PCDHGB3: variants seen among roughly 807,000 people sequenced by gnomAD.
PCDHGB3 encodes protocadherin gamma-B3.
A neutral mutation model predicts 59.2 loss-of-function variants in PCDHGB3; 40 were observed. That is an observed-to-expected ratio of 0.68 (90% confidence interval 0.52 to 0.88). The LOEUF (loss-of-function observed/expected upper bound fraction) is 0.88. Ranked by LOEUF, PCDHGB3 falls within the 40% of genes least tolerant of loss-of-function variation. The pLI, the probability that PCDHGB3 is intolerant of heterozygous loss-of-function variation, is 0.00. For missense variants in PCDHGB3, 1,309 were observed against 1,187.9 expected (o/e 1.10, Z -1.50); for synonymous variants, 581 against 503.6 (o/e 1.15, Z -2.06).
intron 1 of PCDHGB3, among the ~76,000 whole-genome samples, chr5:141,435,500 A>G (rs896915416): frequency 6.6e-6 from 1 of 152,176 alleles, no homozygotes; most frequent in African/African-American, 2.4e-5. Context: ...TCCTACACTA[A>G]TGATACTAAT....
Position 141,490,447 on chromosome 5 carries a change from C to A in PCDHGB3, c.2416-4360C>A, listed in dbSNP as rs1273424450. 1.2e-6 allele frequency: 2 copies of A among 1,614,196 alleles called. No homozygotes were observed. The highest frequency in any genetic ancestry group is 1.7e-5 in the Admixed American group (1 of 60,030). Reference sequence around the variant, plus strand: ...ATTTCAGATTAAGCCTTCTGAGAACCACTACTCGCTGCTAACCAGCCAGCC... The same window carrying A: ...ATTTCAGATTAAGCCTTCTGAGAACAACTACTCGCTGCTAACCAGCCAGCC... On this transcript the variant is annotated intron_variant, in intron 1 of 3. Coordinates refer to ENST00000576222, the MANE Select transcript of PCDHGB3 (RefSeq NM_018924.5). This position sits in a 1 kb window ranked among gnomAD's most constrained non-coding sequence, Gnocchi z 5.4.
At chr5:141,375,183 C>T (rs773640182) in intron 1 of PCDHGB3, 12 of 1,613,848 alleles carry the variant, frequency 7.4e-6, no homozygotes, top group Admixed American at 1.7e-5. Flanking sequence ...ACAGTAATCG[C>T]CCTTTTTCAA....
At chr5:141,379,378 A>G (rs1775559732) in intron 1 of PCDHGB3, 1 of 152,234 alleles carries the variant, frequency 6.6e-6, no homozygotes, top group African/African-American at 2.4e-5. Flanking sequence ...TTGATAAAAT[A>G]ACAATTTTAA....
At position 141,421,932 on chromosome 5, in the gene PCDHGB3, T is replaced by C. The variant is rs747598404; in HGVS notation, c.2415+49123T>C. On this transcript the variant is annotated intron_variant, in intron 1 of 3. Transcript: ENST00000576222. The stretch of plus-strand genomic sequence containing the variant: ...TTCCCATTCGTGTGGTGGTCCTCGA[T>C]GTAAATGATCACATCCCAATGTTTA... 3 of 1,613,588 alleles carry C rather than the reference T, an allele frequency of 1.9e-6. No individual in the cohort carries two copies. The East Asian group carries it at 6.7e-5, about 36-fold the overall frequency.
At position 141,486,706 on chromosome 5, in the gene PCDHGB3, C is replaced by G; in HGVS notation, c.2416-8101C>G. 6.2e-7 allele frequency: 1 copy of G among 1,614,154 alleles called. No homozygotes were observed. Among genetic ancestry groups the G allele is most frequent in the Non-Finnish European group, 8.5e-7 (1 of 1,180,024 alleles). ...CAGCTTCCTCTTTCATCTCTCTGAA[C>G]CCCCAGACAGGAGCTGTTCATGCTA... On this transcript the variant is annotated intron_variant, in intron 1 of 3. Coordinates refer to ENST00000576222, the MANE Select transcript of PCDHGB3 (RefSeq NM_018924.5). This position sits in a 1 kb window ranked among gnomAD's most constrained non-coding sequence, Gnocchi z 5.0.
chr5:141,396,295 AG>A (rs1561657375), intron 1 of PCDHGB3: 1 of 151,978 alleles, frequency 6.6e-6, no homozygotes, highest in African/African-American at 2.4e-5. Flanking sequence ...ACTCCAGCCT[AG>A]GTGGCAGAAC....
intron 1 of PCDHGB3, among the ~76,000 whole-genome samples, chr5:141,444,402 C>A (rs916833331): frequency 6.6e-6 from 1 of 151,932 alleles, no homozygotes; most frequent in Admixed American, 6.6e-5. Flanking sequence ...AACTCCCAAC[C>A]TCAGGTGATC....
At position 141,421,681 on chromosome 5, in the gene PCDHGB3, C is replaced by T. The variant is rs750692137; in HGVS notation, c.2415+48872C>T. 4 of 1,613,858 alleles carry T rather than the reference C, an allele frequency of 2.5e-6. No homozygotes were observed. In the South Asian group the frequency reaches 4.4e-5, roughly 18 times the overall value. Reference sequence around the variant, plus strand: ...CAGTGAGCACGCAATTCCTGGGGCGCGATTTGCTCTTCCTAATGCTAGGGA... The same window carrying T: ...CAGTGAGCACGCAATTCCTGGGGCGTGATTTGCTCTTCCTAATGCTAGGGA... On this transcript the variant is annotated intron_variant, in intron 1 of 3. Coordinates refer to ENST00000576222, the MANE Select transcript of PCDHGB3 (RefSeq NM_018924.5).
chr5:141,404,029 C>T (rs1363448), intron 1 of PCDHGB3: 736,203 of 1,612,620 alleles, frequency 0.46, 175,243 homozygotes, highest in African/African-American at 0.8. Flanking sequence ...TGAGAGAAGA[C>T]GCACCTCAGG....
intron 1 of PCDHGB3, chr5:141,414,071 A>C: frequency 6.2e-7 from 1 of 1,606,780 alleles, no homozygotes; most frequent in Non-Finnish European, 8.5e-7. Flanking sequence ...TTCCAACTAA[A>C]CAAATATACT....
chr5:141,378,973 A>G (rs1775276722), intron 1 of PCDHGB3: 1 of 152,222 alleles, frequency 6.6e-6, no homozygotes, highest in South Asian at 2.1e-4. Context: ...TAATTTGATG[A>G]CTTGTTGAAC....
Position 141,371,954 on chromosome 5 carries a change from C to T in PCDHGB3, c.1560C>T (p.Phe520=), listed in dbSNP as rs1182311011. ...GGGTGGTGTTCGCGCAGCGAGCCTT[C>T]GACCACGAGCAGCTGCGTGCCTTCG... ...RSGVVFAQRA[F]DHEQLRAFEL... The change falls in exon 1 of 4, where the codon TTC becomes TTT. Residue 520 remains phenylalanine (F), a synonymous_variant. Coordinates refer to ENST00000576222, the MANE Select transcript of PCDHGB3 (RefSeq NM_018924.5). The T allele has an allele frequency of 6.2e-7, 1 of 1,613,274 alleles. No homozygotes were observed. The highest frequency in any genetic ancestry group is 8.5e-7 in the Non-Finnish European group (1 of 1,179,854).
At chr5:141,470,815 G>A (rs891225908) in intron 1 of PCDHGB3, among the ~76,000 whole-genome samples, 1 of 151,980 alleles carries the variant, frequency 6.6e-6, no homozygotes, top group African/African-American at 2.4e-5. Flanking sequence ...AGCCTTCTGA[G>A]TAGTTAGGAC....
Position 141,476,091 on chromosome 5 carries a change from G to T in PCDHGB3, c.2416-18716G>T, listed in dbSNP as rs1470774975. The T allele has an allele frequency of 1.3e-6, 2 of 1,563,074 alleles. No homozygotes were observed. Among genetic ancestry groups the T allele is most frequent in the Non-Finnish European group, 1.7e-6 (2 of 1,159,286 alleles). On this transcript the variant is annotated intron_variant, in intron 1 of 3. Coordinates refer to ENST00000576222, the MANE Select transcript of PCDHGB3 (RefSeq NM_018924.5). This position sits in a 1 kb window ranked among gnomAD's most constrained non-coding sequence, Gnocchi z 7.6. ...AAATCTCAGGGACGATCTGGACCCC[G>T]CTGAGAGGAACTGCTTTTGAGTGAG...
In PCDHGB3 at chr5:141,395,514, C is replaced by T. The variant is rs138744897; in HGVS notation, c.2415+22705C>T. 1.1e-3 allele frequency: 455 copies of T among 421,180 alleles called. 7 individuals carry two copies. The highest frequency in any genetic ancestry group is 8.9e-3 in the African/African-American group (432 of 48,430). The allele number at this position is 421,180 out of a possible 1,614,324, so 26.1% of individuals were successfully genotyped here. ...ACTCATTCACTTAAGAAGTAGCTAC[C>T]CGTCCATACTGGTAATTTTGCTATT... On this transcript the variant is annotated intron_variant, in intron 1 of 3. Transcript: ENST00000576222.
chr5:141,486,346 C>G lies in PCDHGB3; in HGVS notation c.2416-8461C>G. 1 of 1,614,120 alleles carries G rather than the reference C, an allele frequency of 6.2e-7. No individual in the cohort carries two copies. Among genetic ancestry groups the G allele is most frequent in the East Asian group, 2.2e-5 (1 of 44,874 alleles). ...GAGATGTGAGCCTCCGCATTCCTGA[C>G]CACTTGCCATTTGCCCTCAAGTCTG... On this transcript the variant is annotated intron_variant, in intron 1 of 3. Coordinates refer to ENST00000576222, the MANE Select transcript of PCDHGB3 (RefSeq NM_018924.5). This position sits in a 1 kb window ranked among gnomAD's most constrained non-coding sequence, Gnocchi z 5.0.
chr5:141,384,708 G>A (rs1222018997), intron 1 of PCDHGB3: 3 of 1,613,998 alleles, frequency 1.9e-6, no homozygotes, highest in Non-Finnish European at 2.5e-6. Flanking sequence ...AGAACGCCTG[G>A]CTGTCATACC....
At chr5:141,407,943 T>C (rs575027782) in intron 1 of PCDHGB3, 7 of 537,790 alleles carry the variant, frequency 1.3e-5, no homozygotes, top group African/African-American at 7.6e-5. Flanking sequence ...TGGGCGCCGC[T>C]GTCGGCCAGT....
rs1186225096 is a variant in PCDHGB3, at chr5:141,490,605, C to G, written c.2416-4202C>G. The G allele has an allele frequency of 1.1e-5, 18 of 1,614,198 alleles. No homozygotes were observed. Among genetic ancestry groups the G allele is most frequent in the Non-Finnish European group, 1.5e-5 (18 of 1,180,030 alleles). On this transcript the variant is annotated intron_variant, in intron 1 of 3. Transcript: ENST00000576222. The surrounding 1 kb of genome is among the most constrained non-coding windows in gnomAD (Gnocchi z 5.4). ...TCAATGACAATGCACCCCGCTTCAACCAGCAGCTTTACACTGCTTACATCC... is the reference window on the plus strand; with the variant it reads ...TCAATGACAATGCACCCCGCTTCAAGCAGCAGCTTTACACTGCTTACATCC...
Sources: allele counts gnomAD v4.1 joint callset (sites outside exome capture counted in the v4.1 genomes callset), GRCh38; gene constraint gnomAD v4.1.1; non-coding constraint Gnocchi (gnomAD v3.1); transcripts MANE v1.5; gene names NCBI Gene and HGNC (gene_info 2026-07-23, HGNC 2026-07-21).